The following KLHL29 variants were observed in gnomAD, a reference collection of about 807,000 sequenced individuals.
The protein encoded by KLHL29 is kelch-like protein 29.
KLHL29 carries 21 observed loss-of-function variants against 80.4 expected under a neutral mutation model. The ratio of observed to expected loss-of-function variants is 0.26; its 90% CI spans 0.19 to 0.38. KLHL29 has a LOEUF of 0.38. Among genes scored for constraint, KLHL29 ranks in the 10% least tolerant of loss-of-function variants. The pLI, the probability that KLHL29 is intolerant of heterozygous loss-of-function variation, is 1.00. For synonymous variants in KLHL29, 511 were observed against 526.8 expected, an observed-to-expected ratio of 0.97 and a Z score of 0.41; for missense variants, 867 against 1,223.9, an observed-to-expected ratio of 0.71 and a Z score of 4.35.
chr2:23,421,716 AGT>A (rs1443084376), intron 1 of KLHL29, among the ~76,000 whole-genome samples: 1 of 140,214 alleles, frequency 7.1e-6, no homozygotes, highest in Non-Finnish European at 1.5e-5. Context: ...TGTGTCTGTT[AGT>A]GTGTCTCTGT....
intron 2 of KLHL29, among the ~76,000 whole-genome samples, chr2:23,478,744 C>G (rs1301543525): frequency 6.6e-6 from 1 of 152,126 alleles, no homozygotes; most frequent in East Asian, 1.9e-4. Context: ...TCCCCTGCCT[C>G]CATCATTGAG....
chr2:23,534,957 G>A (rs1666619114), intron 2 of KLHL29, among the ~76,000 whole-genome samples: 1 of 152,192 alleles, frequency 6.6e-6, no homozygotes, highest in East Asian at 1.9e-4. Flanking sequence ...AATGCGTCTG[G>A]CACAAAGGAA....
chr2:23,691,224 G>T, intron 6 of KLHL29: 1 of 220,924 alleles, frequency 4.5e-6, no homozygotes. Context: ...TCTCTGGATT[G>T]GCTGGCATCA....
At chr2:23,630,150 C>T (rs1230295839) in intron 3 of KLHL29, among the ~76,000 whole-genome samples, 2 of 152,160 alleles carry the variant, frequency 1.3e-5, no homozygotes, top group Non-Finnish European at 2.9e-5. Flanking sequence ...TGGGCAGCAC[C>T]AGGAGTGGGA....
chr2:23,504,505 C>T (rs970793241), intron 2 of KLHL29, among the ~76,000 whole-genome samples: 4 of 152,132 alleles, frequency 2.6e-5, no homozygotes, highest in African/African-American at 4.8e-5. Flanking sequence ...GCCCCGGGGC[C>T]TCCCTAGGGT....
chr2:23,587,536 T>G (rs1668151239), intron 3 of KLHL29, among the ~76,000 whole-genome samples: 4 of 152,262 alleles, frequency 2.6e-5, no homozygotes, highest in Admixed American at 2.0e-4. Context: ...GCTGGAAAGA[T>G]CAAAGGGACA....
intron 5 of KLHL29, among the ~76,000 whole-genome samples, chr2:23,659,765 CT>C (rs1249322388): frequency 6.6e-6 from 1 of 152,094 alleles, no homozygotes; most frequent in Non-Finnish European, 1.5e-5. Context: ...CCAGGGCCTC[CT>C]GCAGCCAGGC....
intron 1 of KLHL29, among the ~76,000 whole-genome samples, chr2:23,431,560 T>G (rs1408962127): frequency 6.6e-6 from 1 of 152,126 alleles, no homozygotes; most frequent in Non-Finnish European, 1.5e-5. Context: ...AGTGGGAGAT[T>G]ATTCTTCATT....
intron 1 of KLHL29, among the ~76,000 whole-genome samples, chr2:23,445,885 C>G (rs958502101): frequency 6.6e-6 from 1 of 152,176 alleles, no homozygotes; most frequent in African/African-American, 2.4e-5. Context: ...GCCATCTCCC[C>G]TTTTCTTTCT....
intron 2 of KLHL29, among the ~76,000 whole-genome samples, chr2:23,522,054 G>T (rs943750643): frequency 1.3e-5 from 2 of 152,184 alleles, no homozygotes; most frequent in Non-Finnish European, 2.9e-5. Flanking sequence ...GGACCTGCTT[G>T]TTAGAATTGT....
chr2:23,609,546 C>T (rs910420155), intron 3 of KLHL29, among the ~76,000 whole-genome samples: 13 of 151,472 alleles, frequency 8.6e-5, no homozygotes, highest in Admixed American at 2.0e-4. Flanking sequence ...GGTTGTGGAG[C>T]GAGGGAATAG....
intron 3 of KLHL29, among the ~76,000 whole-genome samples, chr2:23,600,543 G>A (rs1668542690): frequency 1.3e-5 from 2 of 152,186 alleles, no homozygotes; most frequent in Non-Finnish European, 2.9e-5. Context: ...CATCACGCCT[G>A]TCTGGCAGGG....
chr2:23,446,130 G>C (rs535851332), intron 1 of KLHL29, among the ~76,000 whole-genome samples: 2 of 151,326 alleles, frequency 1.3e-5, no homozygotes, highest in East Asian at 3.9e-4. Context: ...TGGTGATTAA[G>C]GAACAGTCCA....
chr2:23,397,284 C>T (rs1666474669), intron 1 of KLHL29, among the ~76,000 whole-genome samples: 1 of 152,270 alleles, frequency 6.6e-6, no homozygotes, highest in Non-Finnish European at 1.5e-5. Flanking sequence ...TGCCCCTCCC[C>T]ACAGGCTCTC....
Position 23,681,814 on chromosome 2 carries a change from G to A in KLHL29, c.941-2585G>A, listed in dbSNP as rs1671089260. On this transcript the variant is annotated intron_variant, in intron 5 of 13. Transcript: ENST00000486442. The surrounding 1 kb of genome is among the most constrained non-coding windows in gnomAD (Gnocchi z 4.2). The stretch of plus-strand genomic sequence containing the variant: ...AAAGGGGATGTCATCTACCTGGCTC[G>A]TGGTTTGGGCATTAATTCGGCTGGT... Among the ~76,000 whole-genome samples the A allele has an allele frequency of 2.0e-5, 3 of 152,170 alleles. No individual in the cohort carries two copies. Among genetic ancestry groups the A allele is most frequent in the East Asian group, 1.9e-4 (1 of 5,194 alleles).
Position 23,597,407 on chromosome 2 carries a change from A to T in KLHL29, c.285+34926A>T, listed in dbSNP as rs1709312. Among the ~76,000 whole-genome samples, 209 of 24,696 alleles carry T rather than the reference A, an allele frequency of 8.5e-3. 2 individuals are homozygous for T. Among genetic ancestry groups the T allele is most frequent in the Middle Eastern group, 0.05 (1 of 20 alleles). The allele number at this position is 24,696 out of a possible 152,430, so 16.2% of individuals were successfully genotyped here. A position where few individuals can be genotyped will look rare whatever the true frequency, so the allele number is the denominator to read the frequency against. ...TGTATATATATATATATATATATAT[A>T]TTTTTTTTTTTTTTTTTTTTTTTTT... On this transcript the variant is annotated intron_variant, in intron 3 of 13. Coordinates refer to ENST00000486442, the MANE Select transcript of KLHL29 (RefSeq NM_052920.2).
Position 23,411,177 on chromosome 2 carries a change from C to T in KLHL29, c.-154+25397C>T, listed in dbSNP as rs115565936. Among the ~76,000 whole-genome samples, 553 of 152,168 alleles carry T rather than the reference C, an allele frequency of 3.6e-3. 4 individuals carry two copies. Among genetic ancestry groups the T allele is most frequent in the African/African-American group, 0.013 (533 of 41,506 alleles). On this transcript the variant is annotated intron_variant, in intron 1 of 13. Coordinates refer to ENST00000486442, the MANE Select transcript of KLHL29 (RefSeq NM_052920.2). ...ACAAATGTTGAAATATAGGGATGTC[C>T]AAATCTCCTGTGAGGCCAGGTGAGG...
chr2:23,406,127 G>A (rs952750533), intron 1 of KLHL29, among the ~76,000 whole-genome samples: 4 of 151,958 alleles, frequency 2.6e-5, no homozygotes, highest in African/African-American at 7.3e-5. Context: ...TCAGAAGTTC[G>A]ATACCAGCCT....
intron 2 of KLHL29, among the ~76,000 whole-genome samples, chr2:23,510,240 G>A (rs1665728275): frequency 6.6e-6 from 1 of 152,182 alleles, no homozygotes; most frequent in African/African-American, 2.4e-5. Flanking sequence ...ATTGGGGAGT[G>A]ACAGGAAATG....
Sources: gnomAD v4.1 joint callset for allele counts (sites outside exome capture counted in the v4.1 genomes callset) on GRCh38, gnomAD v4.1.1 for gene constraint, Gnocchi (gnomAD v3.1) non-coding constraint, MANE v1.5 for transcripts, NCBI Gene and HGNC (gene_info 2026-07-23, HGNC 2026-07-21) for gene names.